Variants in JAG1 observed in about 807,000 individuals in gnomAD.
The protein encoded by JAG1 is jagged canonical Notch ligand 1.
Under a neutral mutation model 148.7 loss-of-function variants are expected in JAG1, and 23 were observed. That is an observed-to-expected ratio of 0.15 (90% CI 0.11 to 0.22). The LOEUF (loss-of-function observed/expected upper bound fraction) is 0.22. Among genes scored for constraint, JAG1 ranks in the 10% least tolerant of loss-of-function variants. JAG1 has a pLI of 1.00. For synonymous variants in JAG1, 572 were observed against 598.3 expected (o/e 0.96, Z 0.64); for missense variants, 1,054 against 1,611.2 (o/e 0.65, Z 5.92).
At chr20:10,653,903 G>C (rs926424867) in intron 5 of JAG1, among the ~76,000 whole-genome samples, 2 of 152,194 alleles carry the variant, frequency 1.3e-5, no homozygotes, top group Non-Finnish European at 2.9e-5. Context: ...CACATGCAAA[G>C]AAATCACTAG....
At chr20:10,643,889 T>A in intron 19 of JAG1, 26 bp from the exon 20 acceptor site, 1 of 1,573,642 alleles carries the variant, frequency 6.4e-7, no homozygotes, top group Non-Finnish European at 8.7e-7. Context: ...CCACCTTGGT[T>A]ACCAACCTCC....
rs2273060 is a variant in JAG1, at chr20:10,658,737, A to G, written c.440-15T>C. 663,886 of 1,612,316 alleles carry G rather than the reference A, an allele frequency of 0.41. 138,340 individuals are homozygous for G. The highest frequency in any genetic ancestry group is 0.5 in the South Asian group (45,955 of 91,032). On this transcript the variant is annotated splice_polypyrimidine_tract_variant and intron_variant, in intron 3 of 25. Transcript: ENST00000254958. ...ACTGTCAGGTTCTAGAGACAAAGTG[A>G]TGAATCATGTTAATATTCACATTGC...
intron 2 of JAG1, 58 bp downstream of exon 2, chr20:10,672,643 G>T: frequency 6.5e-7 from 1 of 1,546,854 alleles, no homozygotes; most frequent in Non-Finnish European, 8.9e-7. Context: ...GGATAACAGG[G>T]CTCGGCCAGG....
chr20:10,646,128 A>T lies in JAG1; in HGVS notation c.1886-44T>A, dbSNP rs758442126. On this transcript the variant is annotated intron_variant, in intron 14 of 25. Coordinates refer to ENST00000254958, the MANE Select transcript of JAG1 (RefSeq NM_000214.3). ...CAAAAAAAGAACTGAAGGACTTGTG[A>T]AGCCATAGACAAGCACTGTTCAGCA... 12 of 1,417,118 alleles carry T rather than the reference A, an allele frequency of 8.5e-6. No homozygotes were observed. The African/African-American group carries it at 1.4e-4, about 17-fold the overall frequency. 87.8% of individuals were successfully genotyped at this position (1,417,118 alleles called of 1,614,324 possible).
chr20:10,643,730 A>G, intron 20 of JAG1, 48 bp downstream of exon 20: 1 of 1,429,772 alleles, frequency 7.0e-7, no homozygotes, highest in Non-Finnish European at 9.9e-7. Flanking sequence ...TGAGGCATGG[A>G]ATGAAGCGGT....
intron 20 of JAG1, 77 bp downstream of exon 20, chr20:10,643,701 A>T (rs2067288593): frequency 8.9e-7 from 1 of 1,129,498 alleles, no homozygotes; most frequent in Non-Finnish European, 1.3e-6. Context: ...CTTTGTTTTT[A>T]AAGATGAAAG....
rs750570683 is a variant in JAG1, at chr20:10,641,465, A to G, written c.2911T>C (p.Ser971Pro). Residue 971 changes from serine (S) to proline (P), a missense_variant, in exon 23 of 26, where the codon TCA becomes CCA. Coordinates refer to ENST00000254958, the MANE Select transcript of JAG1 (RefSeq NM_000214.3). ...ITFTFNKEMM[S>P]PGLTTEHICS... ...AAACAAAGGTTGTTACATACTGGTG[A>G]CATCATCTCCTTGTTAAAGGTAAAT... 7 of 1,612,644 alleles carry G rather than the reference A, an allele frequency of 4.3e-6. No individual in the cohort carries two copies. The African/African-American group carries it at 6.7e-5, about 15-fold the overall frequency.
chr20:10,663,837 G>A (rs922554283), intron 3 of JAG1, 126 bp downstream of exon 3: 1 of 784,456 alleles, frequency 1.3e-6, no homozygotes, highest in East Asian at 2.6e-5. Flanking sequence ...GGGGTACAGG[G>A]GAGAACAGAA....
At chr20:10,672,299 C>G (rs1003483281) in intron 2 of JAG1, among the ~76,000 whole-genome samples, 2 of 152,192 alleles carry the variant, frequency 1.3e-5, no homozygotes, top group African/African-American at 4.8e-5. Flanking sequence ...GTTCGCAGGC[C>G]AGAACTGCGC....
At chr20:10,649,414 TAAG>T in intron 10 of JAG1, 105 bp downstream of exon 10, 1 of 756,670 alleles carries the variant, frequency 1.3e-6, no homozygotes, top group Non-Finnish European at 2.4e-6. Context: ...ATTCCCACTC[TAAG>T]GTTTTCCTTC....
At chr20:10,665,683 G>A (rs1297567868) in intron 2 of JAG1, among the ~76,000 whole-genome samples, 8 of 152,024 alleles carry the variant, frequency 5.3e-5, no homozygotes, top group African/African-American at 9.7e-5. Flanking sequence ...TGAGGCCCAC[G>A]TCCTCCACTT....
chr20:10,644,244 C>T, intron 19 of JAG1, 113 bp downstream of exon 19: 1 of 989,288 alleles, frequency 1.0e-6, no homozygotes. Context: ...TGACTCAGAA[C>T]TTGCATTTTA....
chr20:10,663,987 A>T lies in JAG1; in HGVS notation c.415T>A (p.Trp139Arg). The T allele has an allele frequency of 6.2e-7, 1 of 1,614,014 alleles. No homozygotes were observed. Among genetic ancestry groups the T allele is most frequent in the Non-Finnish European group, 8.5e-7 (1 of 1,179,856 alleles). Residue 139 changes from tryptophan to arginine, a missense_variant, in exon 3 of 26, where the codon TGG becomes AGG. Trp to Arg is a moderately radical substitution (Grantham distance 101). This residue lies in a region of JAG1 where 151 missense variants were observed against 211.1 expected (regional missense o/e 0.72). Transcript: ENST00000254958. Reference protein sequence around the residue: ...PRSYTLLVEAWDSSNDTVQPD... With the variant: ...PRSYTLLVEARDSSNDTVQPD... ...CGAACGGTGTCATTACTGGAATCCCACGCCTCCACAAGCAACGTATAGGAC... is the reference window on the plus strand; with the variant it reads ...CGAACGGTGTCATTACTGGAATCCCTCGCCTCCACAAGCAACGTATAGGAC...
rs111706668 is a variant in JAG1 at position 10,641,850 on chromosome 20, T to C, written c.2615A>G (p.Asp872Gly). ...PCITMGSVIP[D>G]GAKWDDDCNT... The stretch of plus-strand genomic sequence containing the variant: ...ACAGTCATCATCCCATTTGGCCCCA[T>C]CTGGTATCACACTCCCCATGGTGAT... Residue 872 changes from aspartate (D) to glycine (G), a missense_variant, in exon 22 of 26, where the codon GAT (aspartate) becomes GGT (glycine). This residue lies in a region of JAG1 where 342 missense variants were observed against 514.6 expected (regional missense o/e 0.66). Coordinates refer to ENST00000254958, the MANE Select transcript of JAG1 (RefSeq NM_000214.3). 3.1e-6 allele frequency: 5 copies of C among 1,613,930 alleles called. No homozygotes were observed. The Admixed American group carries it at 8.3e-5, about 27-fold the overall frequency.
intron 13 of JAG1, among the ~76,000 whole-genome samples, chr20:10,647,643 C>A (rs1000456134): frequency 2.6e-5 from 4 of 152,224 alleles, no homozygotes. Flanking sequence ...CTCTGTCTGC[C>A]GTTGCAGGAA....
At position 10,644,392 on chromosome 20, in the gene JAG1, G is replaced by A. The variant is rs1034825402; in HGVS notation, c.2345-8C>T. 1.2e-6 allele frequency: 2 copies of A among 1,612,238 alleles called. No individual in the cohort carries two copies. Among genetic ancestry groups the A allele is most frequent in the African/African-American group, 2.7e-5 (2 of 74,822 alleles). On this transcript the variant is annotated splice_region_variant and splice_polypyrimidine_tract_variant and intron_variant, in intron 18 of 25. Coordinates refer to ENST00000254958, the MANE Select transcript of JAG1 (RefSeq NM_000214.3). Reference sequence around the variant, plus strand: ...GGCTGCAGTCATTGGTATCTGCAAAGAAAAGACAACTTAATAGTGAGGACT... The same window carrying A: ...GGCTGCAGTCATTGGTATCTGCAAAAAAAAGACAACTTAATAGTGAGGACT...
At chr20:10,656,333 A>G (rs1456402032) in intron 5 of JAG1, 65 bp downstream of exon 5, 9 of 1,315,940 alleles carry the variant, frequency 6.8e-6, no homozygotes, top group Non-Finnish European at 8.8e-6. Flanking sequence ...AGTCACAATA[A>G]AGTCAGTTCC....
At chr20:10,663,868 C>T (rs999061809) in intron 3 of JAG1, 95 bp downstream of exon 3, 2 of 952,298 alleles carry the variant, frequency 2.1e-6, no homozygotes, top group Non-Finnish European at 3.5e-6. Flanking sequence ...GGCAGAAATG[C>T]TAAGTACTAA....
chr20:10,667,780 C>G (rs2067465327), intron 2 of JAG1, among the ~76,000 whole-genome samples: 2 of 152,158 alleles, frequency 1.3e-5, no homozygotes, highest in Admixed American at 1.3e-4. Context: ...TCCCCACCCC[C>G]TTTCCCATCA....
Sources: allele counts gnomAD v4.1 joint callset (sites outside exome capture counted in the v4.1 genomes callset), GRCh38; gene constraint gnomAD v4.1.1; regional missense constraint gnomAD v4.1.1; transcripts MANE v1.5; gene names NCBI Gene and HGNC (gene_info 2026-07-23, HGNC 2026-07-21).